The following CCDC102B variants were observed in gnomAD, a reference collection of about 807,000 sequenced individuals.
CCDC102B encodes coiled-coil domain containing 102B, also known as coiled-coil domain-containing protein 102B.
A neutral mutation model predicts 57.4 loss-of-function variants in CCDC102B; 75 were observed. That is an observed-to-expected ratio of 1.31 (90% CI 1.08 to 1.58). The LOEUF (loss-of-function observed/expected upper bound fraction) is 1.58. CCDC102B is among the 40% of genes most tolerant of loss of function. CCDC102B has a pLI of 0.00. For synonymous variants in CCDC102B, 206 were observed against 201.9 expected, an observed-to-expected ratio of 1.02 and a Z score of -0.17; for missense variants, 636 against 582.6, an observed-to-expected ratio of 1.09 and a Z score of -0.94.
intron 5 of CCDC102B, among the ~76,000 whole-genome samples, chr18:68,890,379 G>A (rs1388831802): frequency 6.6e-6 from 1 of 152,038 alleles, no homozygotes; most frequent in East Asian, 1.9e-4. Flanking sequence ...GAGACCAAAG[G>A]CACATGCCAC....
rs555590263 is a variant in CCDC102B, at chr18:68,783,634, T to C, written c.-66-39732T>C. Among the ~76,000 whole-genome samples the C allele has an allele frequency of 5.0e-4, 76 of 152,278 alleles. No homozygotes were observed. In the South Asian group the frequency reaches 0.016, roughly 32 times the overall value. ...GTTGACAGCCTTCTCTTTCAGATAT[T>C]GGGTGATGTAGTTTCCCATGTTTAG... On this transcript the variant is annotated intron_variant, in intron 2 of 3. Transcript: ENST00000578970.
chr18:68,985,030 G>C (rs998778781), intron 6 of CCDC102B, among the ~76,000 whole-genome samples: 2 of 152,122 alleles, frequency 1.3e-5, no homozygotes, highest in Non-Finnish European at 2.9e-5. Flanking sequence ...AGTTAGCTTT[G>C]TGGTTCTATA....
At chr18:68,788,289 CA>C (rs1442088911) in intron 2 of CCDC102B, among the ~76,000 whole-genome samples, 1 of 151,288 alleles carries the variant, frequency 6.6e-6, no homozygotes, top group African/African-American at 2.4e-5. Flanking sequence ...GTGGTGCTGA[CA>C]AAAATGTATA....
At chr18:68,897,605 A>G (rs757956212) in intron 6 of CCDC102B, 177 bp downstream of exon 6, 17 of 1,559,970 alleles carry the variant, frequency 1.1e-5, no homozygotes, top group Non-Finnish European at 1.3e-5. Context: ...ATGCATCTGA[A>G]ACAAAGTGTG....
chr18:68,772,047 A>G (rs2034657003), intron 2 of CCDC102B, among the ~76,000 whole-genome samples: 1 of 152,130 alleles, frequency 6.6e-6, no homozygotes, highest in South Asian at 2.1e-4. Flanking sequence ...ATTTCTACAC[A>G]TTTCCAAGGT....
chr18:68,869,991 A>G (rs959695696), intron 4 of CCDC102B, among the ~76,000 whole-genome samples: 2 of 152,182 alleles, frequency 1.3e-5, no homozygotes, highest in Admixed American at 6.5e-5. Flanking sequence ...TCCTTTCCCA[A>G]TTGCTGGTTT....
intron 5 of CCDC102B, among the ~76,000 whole-genome samples, chr18:68,876,019 A>G (rs754927158): frequency 2.0e-5 from 3 of 152,138 alleles, no homozygotes; most frequent in Non-Finnish European, 2.9e-5. Flanking sequence ...AAAGGGAAAA[A>G]TTGGTGGCTT....
chr18:68,911,690 T>C (rs1458478826), intron 6 of CCDC102B, among the ~76,000 whole-genome samples: 1 of 126,328 alleles, frequency 7.9e-6, no homozygotes, highest in Non-Finnish European at 1.6e-5. Context: ...AGGCGGAGCT[T>C]GCAGTGAGCC....
intron 7 of CCDC102B, among the ~76,000 whole-genome samples, chr18:69,031,568 CAATT>C (rs1199981948): frequency 6.6e-6 from 1 of 151,374 alleles, no homozygotes; most frequent in Non-Finnish European, 1.5e-5. Flanking sequence ...TAATTTTAAT[CAATT>C]AAACACAATT....
intron 6 of CCDC102B, among the ~76,000 whole-genome samples, chr18:68,938,184 G>A (rs2049294008): frequency 6.6e-6 from 1 of 151,998 alleles, no homozygotes; most frequent in Non-Finnish European, 1.5e-5. Flanking sequence ...TAACCTTTCT[G>A]CCAACTAAAT....
In CCDC102B at chr18:68,749,607, G is replaced by T. The variant is rs1164622567; in HGVS notation, c.-67+33013G>T. On this transcript the variant is annotated intron_variant, in intron 2 of 3. Transcript: ENST00000578970. ...GTTATTGGTGTATAAGAATGCTTGTGATTTTTGCACACTGATTTTGTATCC... is the reference window on the plus strand; with the variant it reads ...GTTATTGGTGTATAAGAATGCTTGTTATTTTTGCACACTGATTTTGTATCC... 2.0e-5 allele frequency among the ~76,000 whole-genome samples: 3 copies of T among 152,136 alleles called. No individual in the cohort carries two copies. The East Asian group carries it at 5.8e-4, about 29-fold the overall frequency.
rs549880573 is a variant in CCDC102B, at chr18:68,952,140, A to G, written c.1263+54712A>G. 2.2e-4 allele frequency among the ~76,000 whole-genome samples: 34 copies of G among 152,278 alleles called. No individual in the cohort carries two copies. In the South Asian group the frequency reaches 7.0e-3, roughly 32 times the overall value. On this transcript the variant is annotated intron_variant, in intron 6 of 7. Coordinates refer to ENST00000360242, the MANE Select transcript of CCDC102B (RefSeq NM_024781.3). ...CCTATAAAATATATTCTTCTATGTT[A>G]TACTACTTTATAATCAATTATGTTG...
At chr18:68,851,049 G>A (rs2038100475) in intron 4 of CCDC102B, among the ~76,000 whole-genome samples, 1 of 152,052 alleles carries the variant, frequency 6.6e-6, no homozygotes, top group Non-Finnish European at 1.5e-5. Context: ...GCTTCATGAG[G>A]ATATAGATCA....
chr18:68,950,104 T>C lies in CCDC102B; in HGVS notation c.1263+52676T>C, dbSNP rs116565289. On this transcript the variant is annotated intron_variant, in intron 6 of 7. Coordinates refer to ENST00000360242, the MANE Select transcript of CCDC102B (RefSeq NM_024781.3). Reference sequence around the variant, plus strand: ...ATTCAAGATAACATGAGATGAAGTCTTACAATCCTTAGTTTCAGGATTCAG... The same window carrying C: ...ATTCAAGATAACATGAGATGAAGTCCTACAATCCTTAGTTTCAGGATTCAG... 3.4e-3 allele frequency among the ~76,000 whole-genome samples: 522 copies of C among 152,262 alleles called. 2 individuals are homozygous for C. Among genetic ancestry groups the C allele is most frequent in the African/African-American group, 0.011 (458 of 41,572 alleles).
chr18:68,813,365 C>T (rs113821814), intron 1 of CCDC102B, among the ~76,000 whole-genome samples: 4 of 151,682 alleles, frequency 2.6e-5, no homozygotes, highest in Middle Eastern at 6.8e-3. Context: ...TATAGCAGCA[C>T]GAGAACCAAC....
intron 6 of CCDC102B, among the ~76,000 whole-genome samples, chr18:68,905,089 G>A (rs10871636): frequency 0.9 from 135,337 of 150,248 alleles, 61,043 homozygotes; most frequent in Admixed American, 0.92. Context: ...CAAATATAAG[G>A]TTATTGGAAG....
intron 7 of CCDC102B, among the ~76,000 whole-genome samples, chr18:69,019,462 G>A (rs1035922287): frequency 4.0e-5 from 6 of 151,760 alleles, no homozygotes; most frequent in African/African-American, 1.2e-4. Flanking sequence ...TATTGTTTTT[G>A]AATATGGTAT....
intron 6 of CCDC102B, among the ~76,000 whole-genome samples, chr18:68,985,319 C>T (rs1434598280): frequency 1.3e-5 from 2 of 152,074 alleles, no homozygotes; most frequent in East Asian, 1.9e-4. Flanking sequence ...GTGCCATCCA[C>T]AGGTTTAGTA....
chr18:68,794,776 T>C (rs2035573974), upstream of CCDC102B, among the ~76,000 whole-genome samples: 1 of 152,116 alleles, frequency 6.6e-6, no homozygotes, highest in African/African-American at 2.4e-5. Flanking sequence ...ATGTACCCTT[T>C]GAAACTAGGA....
Sources: gnomAD v4.1 joint callset for allele counts (sites outside exome capture counted in the v4.1 genomes callset) on GRCh38, gnomAD v4.1.1 for gene constraint, MANE v1.5 for transcripts, NCBI Gene and HGNC (gene_info 2026-07-23, HGNC 2026-07-21) for gene names.